The following RSPO3 variants were observed in gnomAD, a reference collection of about 807,000 sequenced individuals.
RSPO3 encodes R-spondin-3.
RSPO3 carries 17 observed loss-of-function variants against 36.5 expected under a neutral mutation model. The ratio of observed to expected loss-of-function variants is 0.47; its 90% CI spans 0.32 to 0.70. The LOEUF is 0.70. Among genes scored for constraint, RSPO3 ranks in the 30% least tolerant of loss-of-function variants. The pLI is 0.04. For synonymous variants in RSPO3, 108 were observed against 107.0 expected (o/e 1.01, Z -0.06); for missense variants, 294 against 322.5 (o/e 0.91, Z 0.68).
intron 4 of RSPO3, among the ~76,000 whole-genome samples, 189 bp from the exon 5 acceptor site, chr6:127,195,634 G>A (rs1194913226): frequency 4.6e-5 from 7 of 152,018 alleles, no homozygotes; most frequent in Non-Finnish European, 7.4e-5. Context: ...TATCATATAC[G>A]TGTTTCACAT....
In RSPO3 at chr6:127,196,088, C is replaced by A; in HGVS notation, c.*81C>A. ...AGGACAGGTGCTCTAGCCATTAGGA[C>A]CACAAATGGACATGTCAGTTATTGC... On this transcript the variant is annotated 3_prime_UTR_variant, in exon 5 of 5. Coordinates refer to ENST00000356698, the MANE Select transcript of RSPO3 (RefSeq NM_032784.5). 1.7e-6 allele frequency: 2 copies of A among 1,160,282 alleles called. No individual in the cohort carries two copies. Among genetic ancestry groups the A allele is most frequent in the Non-Finnish European group, 1.2e-6 (1 of 839,718 alleles). 71.9% of individuals were successfully genotyped at this position (1,160,282 alleles called of 1,614,324 possible).
At chr6:127,124,342 A>G (rs1328400102) in intron 1 of RSPO3, among the ~76,000 whole-genome samples, 2 of 152,040 alleles carry the variant, frequency 1.3e-5, no homozygotes, top group Non-Finnish European at 2.9e-5. Flanking sequence ...TTGAAATGCC[A>G]TCAGAGTGGA....
chr6:127,175,176 A>G (rs962257998), intron 4 of RSPO3, among the ~76,000 whole-genome samples: 4 of 151,794 alleles, frequency 2.6e-5, no homozygotes, highest in African/African-American at 7.2e-5. Flanking sequence ...TCCCAAATTA[A>G]AAATATTCAT....
chr6:127,169,211 T>A (rs1774887212), intron 4 of RSPO3, among the ~76,000 whole-genome samples: 1 of 151,896 alleles, frequency 6.6e-6, no homozygotes, highest in Non-Finnish European at 1.5e-5. Flanking sequence ...CATCTGGGTT[T>A]TTTTTTTCTG....
chr6:127,168,974 G>A (rs1015837991), intron 4 of RSPO3, among the ~76,000 whole-genome samples: 7 of 151,752 alleles, frequency 4.6e-5, no homozygotes, highest in South Asian at 2.1e-4. Context: ...GTTTTGGTAC[G>A]AGGACCATGC....
chr6:127,175,580 C>T (rs1008441817), intron 4 of RSPO3, among the ~76,000 whole-genome samples: 1 of 151,700 alleles, frequency 6.6e-6, no homozygotes, highest in African/African-American at 2.4e-5. Context: ...CATTTAAATG[C>T]ATCTAAAAAT....
Position 127,155,279 on chromosome 6 carries a change from T to C in RSPO3, c.475T>C (p.Cys159Arg). The C allele has an allele frequency of 6.2e-7, 1 of 1,613,908 alleles. No homozygotes were observed. Among genetic ancestry groups the C allele is most frequent in the Non-Finnish European group, 8.5e-7 (1 of 1,179,874 alleles). Reference protein sequence around the residue: ...EVSEWNPWSPCTKKGKTCGFK... With the variant: ...EVSEWNPWSPRTKKGKTCGFK... ...CAGTGAATGGAATCCTTGGAGTCCA[T>C]GCACGAAGAAGGGAAAAACATGTGG... Residue 159 changes from cysteine (C) to arginine (R), a missense_variant, in exon 4 of 5, where the codon TGC (cysteine) becomes CGC (arginine). Coordinates refer to ENST00000356698, the MANE Select transcript of RSPO3 (RefSeq NM_032784.5).
intron 1 of RSPO3, among the ~76,000 whole-genome samples, chr6:127,129,611 A>T (rs1304088990): frequency 6.6e-6 from 1 of 152,082 alleles, no homozygotes; most frequent in Non-Finnish European, 1.5e-5. Flanking sequence ...AGTTCCAGAG[A>T]GTAGGAAATA....
chr6:127,119,088 G>T lies in RSPO3; in HGVS notation c.-105G>T. The stretch of plus-strand genomic sequence containing the variant: ...TGAGAGGAGAAGTCCCGCTGCTCGG[G>T]CACTGTCTATATACGCCTAACACCT... On this transcript the variant is annotated 5_prime_UTR_variant, in exon 1 of 5. Transcript: ENST00000356698. 2.4e-6 allele frequency: 2 copies of T among 816,546 alleles called. No homozygotes were observed. The highest frequency in any genetic ancestry group is 1.9e-6 in the Non-Finnish European group (1 of 518,330). The allele number at this position is 816,546 out of a possible 1,614,324, so 50.6% of individuals were successfully genotyped here. A position where few individuals can be genotyped will look rare whatever the true frequency, so the allele number is the denominator to read the frequency against.
chr6:127,179,845 G>A (rs1775145318), intron 4 of RSPO3, among the ~76,000 whole-genome samples: 1 of 151,696 alleles, frequency 6.6e-6, no homozygotes. Context: ...GCCTCAAGTG[G>A]CAGGTTGAGT....
intron 4 of RSPO3, among the ~76,000 whole-genome samples, chr6:127,174,015 G>A (rs1272737181): frequency 6.6e-6 from 1 of 151,840 alleles, no homozygotes; most frequent in Non-Finnish European, 1.5e-5. Flanking sequence ...ATAAAAATAT[G>A]GGAACATTGA....
chr6:127,157,988 GTCT>G (rs1006070526), intron 4 of RSPO3, among the ~76,000 whole-genome samples: 1 of 150,874 alleles, frequency 6.6e-6, no homozygotes, highest in Non-Finnish European at 1.5e-5. Context: ...AACATCCAGA[GTCT>G]TCATTTAGGC....
At chr6:127,178,282 C>A (rs1371232128) in intron 4 of RSPO3, among the ~76,000 whole-genome samples, 1 of 151,684 alleles carries the variant, frequency 6.6e-6, no homozygotes, top group Non-Finnish European at 1.5e-5. Flanking sequence ...TTCTTAATTA[C>A]CAAACTCATA....
rs763226451 is a variant in RSPO3 at position 127,144,643 on chromosome 6, G to GTTTTTTTGTTTTTTTT, written c.98-3998_98-3997insGTTTTTTTTTTTTTTT. On this transcript the variant is annotated intron_variant, in intron 1 of 4. Transcript: ENST00000356698. ...TGTAATTTTTCAGTAGCTTCCCCTT[G>GTTTTTTTGTTTTTTTT]TTTTTTTTTTTTTCAGACAGAGTCT... Among the ~76,000 whole-genome samples, 199 of 99,074 alleles carry GTTTTTTTGTTTTTTTT rather than the reference G, an allele frequency of 2.0e-3. 17 individuals are homozygous for GTTTTTTTGTTTTTTTT. The highest frequency in any genetic ancestry group is 0.017 in the Middle Eastern group (3 of 172). 65.0% of individuals were successfully genotyped at this position (99,074 alleles called of 152,430 possible). A position where few individuals can be genotyped will look rare whatever the true frequency, so the allele number is the denominator to read the frequency against.
chr6:127,159,383 G>A (rs1294453502), intron 4 of RSPO3, among the ~76,000 whole-genome samples: 1 of 152,150 alleles, frequency 6.6e-6, no homozygotes, highest in African/African-American at 2.4e-5. Flanking sequence ...AGCAGAGCAT[G>A]TTGCTGGAAG....
intron 1 of RSPO3, among the ~76,000 whole-genome samples, chr6:127,138,291 G>A (rs1025720490): frequency 3.4e-4 from 52 of 152,188 alleles, no homozygotes; most frequent in African/African-American, 1.2e-3. Context: ...GTCTGTTTAA[G>A]TAGGTGTGTA....
chr6:127,190,321 G>A (rs113831398), intron 4 of RSPO3, among the ~76,000 whole-genome samples: 2,275 of 152,144 alleles, frequency 0.015, 57 homozygotes, highest in African/African-American at 0.053. Context: ...CCAGCTACTC[G>A]GGAGGCTGAG....
At chr6:127,194,823 G>A (rs969700215) in intron 4 of RSPO3, among the ~76,000 whole-genome samples, 13 of 152,034 alleles carry the variant, frequency 8.6e-5, no homozygotes, top group African/African-American at 3.1e-4. Flanking sequence ...TCCAGGTCGG[G>A]GGCCTGCATG....
At position 127,131,092 on chromosome 6, in the gene RSPO3, A is replaced by G. The variant is rs1227108207; in HGVS notation, c.97+11803A>G. Among the ~76,000 whole-genome samples, 3 of 152,132 alleles carry G rather than the reference A, an allele frequency of 2.0e-5. No homozygotes were observed. The East Asian group carries it at 5.8e-4, about 29-fold the overall frequency. On this transcript the variant is annotated intron_variant, in intron 1 of 4. Transcript: ENST00000356698. ...CTATCCAGAGCTTAATGTAGATCCA[A>G]GCTTTTAACACAGATCAGTGGGATT...
Sources: allele counts gnomAD v4.1 joint callset (sites outside exome capture counted in the v4.1 genomes callset), GRCh38; gene constraint gnomAD v4.1.1; transcripts MANE v1.5; gene names NCBI Gene and HGNC (gene_info 2026-07-23, HGNC 2026-07-21).